RB1: variants seen among roughly 807,000 people sequenced by gnomAD.
RB1 encodes RB transcriptional corepressor 1.
RB1 carries 18 observed loss-of-function variants against 135.4 expected under a neutral mutation model. The observed-to-expected ratio is 0.13, with a 90% CI of 0.09 to 0.20. RB1 has a LOEUF of 0.20. Ranked by LOEUF, RB1 falls within the 10% of genes least tolerant of loss-of-function variation. The pLI, the probability that RB1 is intolerant of heterozygous loss-of-function variation, is 1.00. For missense variants in RB1, 868 were observed against 1,110.0 expected, an observed-to-expected ratio of 0.78 and a Z score of 3.10; for synonymous variants, 365 against 373.2, an observed-to-expected ratio of 0.98 and a Z score of 0.25.
intron 6 of RB1, among the ~76,000 whole-genome samples, chr13:48,351,947 T>G (rs546201272): frequency 1.3e-5 from 2 of 152,286 alleles, no homozygotes; most frequent in Admixed American, 1.3e-4. Context: ...GTGCTGGGAT[T>G]ACAGGAATGA....
chr13:48,314,673 C>T (rs1403063793), intron 2 of RB1, among the ~76,000 whole-genome samples: 3 of 151,870 alleles, frequency 2.0e-5, no homozygotes, highest in Non-Finnish European at 2.9e-5. Flanking sequence ...TGGTGGCATG[C>T]GCCTGTAGTC....
At chr13:48,328,569 C>T (rs1301152052) in intron 2 of RB1, 18 of 673,788 alleles carry the variant, frequency 2.7e-5, no homozygotes, top group Admixed American at 5.1e-5. Context: ...CCATTTCCCC[C>T]GCCGCATTGT....
intron 2 of RB1, among the ~76,000 whole-genome samples, chr13:48,329,964 A>T (rs1418544448): frequency 5.3e-5 from 8 of 152,174 alleles, no homozygotes; most frequent in African/African-American, 1.9e-4. Flanking sequence ...AAGAAGATTG[A>T]GATAATATCA....
At chr13:48,318,975 A>T in intron 2 of RB1, 1 of 799,126 alleles carries the variant, frequency 1.3e-6, no homozygotes, top group Non-Finnish European at 2.2e-6. Context: ...GCAGAAAGGG[A>T]CCTGTTGCTG....
chr13:48,400,553 GC>G lies in RB1; in HGVS notation c.1695+19112del, dbSNP rs1482629211. ...GTGTTACTATGCTATGGCAAAAAGG[GC>G]CTAGACTTTGAATTAGCGGATCTTA... On this transcript the variant is annotated intron_variant, in intron 17 of 26. Coordinates refer to ENST00000267163, the MANE Select transcript of RB1 (RefSeq NM_000321.3). Among the ~76,000 whole-genome samples, 6 of 152,056 alleles carry G rather than the reference GC, an allele frequency of 3.9e-5. No homozygotes were observed. In the East Asian group the frequency reaches 1.2e-3, roughly 29 times the overall value.
At chr13:48,424,959 C>G (rs1018273475) in intron 17 of RB1, among the ~76,000 whole-genome samples, 4 of 151,920 alleles carry the variant, frequency 2.6e-5, no homozygotes, top group African/African-American at 7.3e-5. Flanking sequence ...AAGGCTAAGG[C>G]AGGAGAATCA....
chr13:48,346,099 CTTTT>C (rs35882805), intron 4 of RB1, among the ~76,000 whole-genome samples: 1 of 117,138 alleles, frequency 8.5e-6, no homozygotes, highest in African/African-American at 3.2e-5. Flanking sequence ...CATTGGCCAT[CTTTT>C]TTTTTTTTTT....
At position 48,312,649 on chromosome 13, in the gene RB1, A is replaced by T. The variant is rs1224613455; in HGVS notation, c.264+5243A>T. Among the ~76,000 whole-genome samples the T allele has an allele frequency of 2.0e-5, 3 of 152,220 alleles. No homozygotes were observed. The East Asian group carries it at 5.8e-4, about 29-fold the overall frequency. ...AAACCTATCCGTTCAGTCTCAAGTT[A>T]TCTTTTTGCATTGCCTCTCACGTCT... is the stretch of plus-strand genomic sequence containing the variant. On this transcript the variant is annotated intron_variant, in intron 2 of 26. Transcript: ENST00000267163.
chr13:48,388,270 T>C (rs1399209060), intron 17 of RB1, among the ~76,000 whole-genome samples: 2 of 152,168 alleles, frequency 1.3e-5, no homozygotes, highest in Admixed American at 1.3e-4. Flanking sequence ...AAGTGGATAG[T>C]AGTGTCATTC....
Position 48,303,979 on chromosome 13 carries a change from C to A in RB1, c.67C>A (p.Pro23Thr), listed in dbSNP as rs1349657979. ...AAAAAAEPPA[P>T]PPPPPPEEDP... ...CGCTGCCGCCGCGGAACCCCCGGCACCGCCGCCGCCGCCCCCTCCTGAGGA... is the reference window on the plus strand; with the variant it reads ...CGCTGCCGCCGCGGAACCCCCGGCAACGCCGCCGCCGCCCCCTCCTGAGGA... The change falls in exon 1 of 27, where the codon CCG becomes ACG. Residue 23 changes from proline (P) to threonine (T), a missense_variant. Pro to Thr is a conservative substitution (Grantham distance 38, BLOSUM62 -1). Around this residue, in one of 3 missense-constraint regions of RB1, gnomAD observed 641 missense variants for 791.3 expected, o/e 0.81. Coordinates refer to ENST00000267163, the MANE Select transcript of RB1 (RefSeq NM_000321.3). 7.3e-6 allele frequency: 11 copies of A among 1,496,988 alleles called. No individual in the cohort carries two copies. The highest frequency in any genetic ancestry group is 9.7e-6 in the Non-Finnish European group (11 of 1,130,484). The allele number at this position is 1,496,988 out of a possible 1,614,324, so 92.7% of individuals were successfully genotyped here.
intron 17 of RB1, among the ~76,000 whole-genome samples, chr13:48,383,593 T>G (rs1948552705): frequency 6.6e-6 from 1 of 152,074 alleles, no homozygotes; most frequent in African/African-American, 2.4e-5. Context: ...ATAATTTATT[T>G]CTTAGTGTTT....
At chr13:48,324,503 A>G (rs1262081792) in intron 2 of RB1, among the ~76,000 whole-genome samples, 1 of 150,362 alleles carries the variant, frequency 6.7e-6, no homozygotes, top group Non-Finnish European at 1.5e-5. Flanking sequence ...GGCTTATTTC[A>G]CTTAACATGA....
At chr13:48,325,172 T>C (rs542728400) in intron 2 of RB1, among the ~76,000 whole-genome samples, 50 of 152,278 alleles carry the variant, frequency 3.3e-4, no homozygotes, top group South Asian at 6.2e-4. Flanking sequence ...CTTGTTCCCC[T>C]GTGTGTGTCC....
chr13:48,381,204 G>C (rs1355573479), intron 16 of RB1, 43 bp from the exon 17 acceptor site: 2 of 1,553,108 alleles, frequency 1.3e-6, no homozygotes, highest in South Asian at 1.2e-5. Context: ...CTAGCTCAAG[G>C]GTTAATATTT....
chr13:48,381,066 T>A (rs1182508248), intron 16 of RB1, among the ~76,000 whole-genome samples, 181 bp from the exon 17 acceptor site: 1 of 152,148 alleles, frequency 6.6e-6, no homozygotes, highest in Non-Finnish European at 1.5e-5. Flanking sequence ...CAGATTTGCT[T>A]ACACTCAAAA....
rs751509066 is a variant in RB1, at chr13:48,345,242, G to A, written c.500+43G>A. ...TTAGGTTTACACTCTGATTTTTTATGTCATTGTTCACAATTAGATTCTGGG... is the reference window on the plus strand; with the variant it reads ...TTAGGTTTACACTCTGATTTTTTATATCATTGTTCACAATTAGATTCTGGG... On this transcript the variant is annotated intron_variant, in intron 4 of 26. Coordinates refer to ENST00000267163, the MANE Select transcript of RB1 (RefSeq NM_000321.3). 18 of 1,583,606 alleles carry A rather than the reference G, an allele frequency of 1.1e-5. No individual in the cohort carries two copies. The East Asian group carries it at 3.1e-4, about 28-fold the overall frequency.
chr13:48,303,777 C>A lies in RB1; in HGVS notation c.-136C>A. The A allele has an allele frequency of 7.5e-7, 1 of 1,339,030 alleles. No homozygotes were observed. The highest frequency in any genetic ancestry group is 9.9e-7 in the Non-Finnish European group (1 of 1,010,332). 82.9% of individuals were successfully genotyped at this position (1,339,030 alleles called of 1,614,324 possible). ...GTTGCCGGGCGGGGGAGGGCGCGTC[C>A]GGTTTTTCTCAGGGGACGTTGAAAT... On this transcript the variant is annotated 5_prime_UTR_variant, in exon 1 of 27. Coordinates refer to ENST00000267163, the MANE Select transcript of RB1 (RefSeq NM_000321.3).
At chr13:48,461,855 C>T (rs570646436) in intron 20 of RB1, among the ~76,000 whole-genome samples, 17 of 152,146 alleles carry the variant, frequency 1.1e-4, no homozygotes, top group South Asian at 1.0e-3. Flanking sequence ...ATTTTTGACA[C>T]GGAGTCTTGC....
At chr13:48,359,256 A>G (rs1171310118) in intron 6 of RB1, among the ~76,000 whole-genome samples, 3 of 151,820 alleles carry the variant, frequency 2.0e-5, no homozygotes, top group Non-Finnish European at 4.4e-5. Context: ...ATCTAGTTGT[A>G]TATATATTCT....
Sources: allele counts gnomAD v4.1 joint callset (sites outside exome capture counted in the v4.1 genomes callset), GRCh38; gene constraint gnomAD v4.1.1; regional missense constraint gnomAD v4.1.1; transcripts MANE v1.5; gene names NCBI Gene and HGNC (gene_info 2026-07-23, HGNC 2026-07-21).